AQP9: variants seen among roughly 807,000 people sequenced by gnomAD.
AQP9 encodes aquaporin 9.
In AQP9, 19 loss-of-function variants were observed where a neutral mutation model predicts 23.8. The observed-to-expected ratio is 0.80, with a 90% confidence interval of 0.56 to 1.17. The LOEUF is 1.17. AQP9 is among the 50% of genes most tolerant of loss of function. AQP9 has a pLI of 0.00. For synonymous variants in AQP9, 153 were observed against 131.5 expected (o/e 1.16, Z -1.12); for missense variants, 413 against 362.0 (o/e 1.14, Z -1.14).
chr15:58,151,525 C>G (rs967587123), intron 1 of AQP9: 3 of 152,078 alleles, frequency 2.0e-5, no homozygotes, highest in African/African-American at 7.2e-5. Context: ...ATCTTAACAA[C>G]CTATTACCTC....
chr15:58,174,892 A>G, intron 3 of AQP9, 26 bp from the exon 4 acceptor site: 1 of 1,593,228 alleles, frequency 6.3e-7, no homozygotes, highest in Admixed American at 1.7e-5. Flanking sequence ...GGGAACACTA[A>G]TGTGCCAGAG....
chr15:58,159,421 G>A (rs1348778290), intron 1 of AQP9, among the ~76,000 whole-genome samples: 1 of 151,964 alleles, frequency 6.6e-6, no homozygotes, highest in Non-Finnish European at 1.5e-5. Flanking sequence ...GGGTACATGG[G>A]ACATTTTAAC....
chr15:58,151,149 A>G (rs576281126), intron 1 of AQP9: 83 of 152,242 alleles, frequency 5.5e-4, no homozygotes, highest in African/African-American at 1.9e-3. Flanking sequence ...TAGTATTATC[A>G]ATACTCATTA....
At position 58,168,875 on chromosome 15, in the gene AQP9, C is replaced by T. The variant is rs192968303; in HGVS notation, c.238+2076C>T. ...GGTAATGTAGGTGTAGCCATATTTT[C>T]AGCCTTTTTTTAGGTAGAGACATGG... is the stretch of plus-strand genomic sequence containing the variant. On this transcript the variant is annotated intron_variant, in intron 2 of 5. Transcript: ENST00000219919. 7.9e-5 allele frequency among the ~76,000 whole-genome samples: 12 copies of T among 152,294 alleles called. No homozygotes were observed. The East Asian group carries it at 2.3e-3, about 29-fold the overall frequency.
chr15:58,174,422 C>T (rs528701393), intron 3 of AQP9, among the ~76,000 whole-genome samples: 71 of 152,236 alleles, frequency 4.7e-4, no homozygotes, highest in South Asian at 1.7e-3. Context: ...ATTCAGAGCC[C>T]GCTGCTGTGG....
At chr15:58,170,436 T>C (rs1266909266) in intron 2 of AQP9, among the ~76,000 whole-genome samples, 1 of 152,030 alleles carries the variant, frequency 6.6e-6, no homozygotes, top group African/African-American at 2.4e-5. Context: ...AATGGAGTCT[T>C]GCTCTGTCAC....
intron 1 of AQP9, among the ~76,000 whole-genome samples, chr15:58,142,132 G>A (rs962387512): frequency 2.0e-5 from 3 of 152,142 alleles, no homozygotes; most frequent in African/African-American, 4.8e-5. Context: ...GCACACACTC[G>A]CCCTTGGACT....
rs79224162 is a variant in AQP9, at chr15:58,171,525, C to T, written c.239-1543C>T. Among the ~76,000 whole-genome samples the T allele has an allele frequency of 3.1e-3, 474 of 152,268 alleles. 3 individuals are homozygous for T. The highest frequency in any genetic ancestry group is 0.011 in the African/African-American group (463 of 41,554). ...CTCCTAACCCCTGTTTCTAGCCTTC[C>T]CTGGTAAGGTGTACTGCTAGTCTCC... On this transcript the variant is annotated intron_variant, in intron 2 of 5. Transcript: ENST00000219919.
intron 1 of AQP9, among the ~76,000 whole-genome samples, chr15:58,140,651 A>C (rs1463823960): frequency 6.6e-6 from 1 of 152,198 alleles, no homozygotes; most frequent in Non-Finnish European, 1.5e-5. Context: ...GAGAATGTGC[A>C]TTTTGCCTTG....
intron 1 of AQP9, among the ~76,000 whole-genome samples, chr15:58,143,106 A>G (rs1254676965): frequency 6.6e-6 from 1 of 152,190 alleles, no homozygotes. Context: ...ACATCAGAGG[A>G]TGTCTACCGT....
At chr15:58,165,631 G>T (rs546796667) in intron 1 of AQP9, among the ~76,000 whole-genome samples, 2 of 152,036 alleles carry the variant, frequency 1.3e-5, no homozygotes, top group East Asian at 3.9e-4. Flanking sequence ...TTCCACTTTG[G>T]TATACATGGA....
upstream of AQP9, chr15:58,138,361 G>A (rs1897893037): frequency 4.3e-6 from 2 of 464,616 alleles, no homozygotes; most frequent in South Asian, 3.7e-5. Context: ...ACAAATAGCA[G>A]CGAACAGGGA....
chr15:58,166,791 G>C lies in AQP9; in HGVS notation c.230G>C (p.Gly77Ala). ...AVAMAIYVAG[G>A]VSGGHINPAV... ...GCAATGGCCATTTATGTGGCTGGCGGTGTCTCTGGTAAGCAGTAGAAATAA... is the reference window on the plus strand; with the variant it reads ...GCAATGGCCATTTATGTGGCTGGCGCTGTCTCTGGTAAGCAGTAGAAATAA... The change falls in exon 2 of 6, where the codon GGT becomes GCT. Residue 77 changes from glycine (G) to alanine (A), a missense_variant. By Grantham distance (60) the Gly-to-Ala change is moderately conservative. Coordinates refer to ENST00000219919, the MANE Select transcript of AQP9 (RefSeq NM_020980.5). The C allele has an allele frequency of 1.9e-6, 3 of 1,613,756 alleles. No individual in the cohort carries two copies. Among genetic ancestry groups the C allele is most frequent in the Non-Finnish European group, 2.5e-6 (3 of 1,179,762 alleles).
rs185457941 is a variant in AQP9, at chr15:58,163,665, T to C, written c.112-3008T>C. On this transcript the variant is annotated intron_variant, in intron 1 of 5. Coordinates refer to ENST00000219919, the MANE Select transcript of AQP9 (RefSeq NM_020980.5). ...CAGGAAAATCAAGATAGGGTGGATATGATAACGGGCTGTTTTTGAGTCTAA... is the reference window on the plus strand; with the variant it reads ...CAGGAAAATCAAGATAGGGTGGATACGATAACGGGCTGTTTTTGAGTCTAA... Among the ~76,000 whole-genome samples the C allele has an allele frequency of 3.4e-3, 522 of 152,258 alleles. 1 individual carries two copies. Among genetic ancestry groups the C allele is most frequent in the African/African-American group, 0.012 (484 of 41,534 alleles).
intron 1 of AQP9, among the ~76,000 whole-genome samples, chr15:58,156,787 T>C (rs1308932001): frequency 6.6e-6 from 1 of 152,092 alleles, no homozygotes. Flanking sequence ...AGGGAACAAA[T>C]CTCTAGGTTG....
intron 2 of AQP9, 115 bp from the exon 3 acceptor site, chr15:58,172,953 T>C (rs1418338859): frequency 7.5e-7 from 1 of 1,342,246 alleles, no homozygotes; most frequent in Non-Finnish European, 1.0e-6. Flanking sequence ...CTCTTTCTCC[T>C]CATAGGCAGT....
intron 5 of AQP9, among the ~76,000 whole-genome samples, chr15:58,181,164 A>C (rs1898880520): frequency 6.6e-6 from 1 of 152,168 alleles, no homozygotes; most frequent in Admixed American, 6.5e-5. Flanking sequence ...ATGTTAGGAG[A>C]ACTCACGTGA....
intron 1 of AQP9, among the ~76,000 whole-genome samples, chr15:58,142,999 A>G (rs992102078): frequency 2.6e-5 from 4 of 152,178 alleles, no homozygotes; most frequent in African/African-American, 9.7e-5. Context: ...TTGGAATAAG[A>G]TGGTCTCTGT....
In AQP9 at chr15:58,174,969, C is replaced by T; in HGVS notation, c.428C>T (p.Ala143Val). The T allele has an allele frequency of 6.2e-7, 1 of 1,614,192 alleles. No individual in the cohort carries two copies. The highest frequency in any genetic ancestry group is 8.5e-7 in the Non-Finnish European group (1 of 1,180,008). ...GGKLLIVGEN[A>V]TAHIFATYPA... Reference sequence around the variant, plus strand: ...AAACTGCTGATCGTGGGAGAAAATGCAACAGCACACATTTTTGCAACATAC... The same window carrying T: ...AAACTGCTGATCGTGGGAGAAAATGTAACAGCACACATTTTTGCAACATAC... The change falls in exon 4 of 6, where the codon GCA (alanine) becomes GTA (valine). Residue 143 changes from alanine (A) to valine (V), a missense_variant. Coordinates refer to ENST00000219919, the MANE Select transcript of AQP9 (RefSeq NM_020980.5).
Sources: gnomAD v4.1 joint callset for allele counts (sites outside exome capture counted in the v4.1 genomes callset) on GRCh38, gnomAD v4.1.1 for gene constraint, MANE v1.5 for transcripts, NCBI Gene and HGNC (gene_info 2026-07-23, HGNC 2026-07-21) for gene names.